Variants in SULF1 observed in about 807,000 individuals in gnomAD.
The protein encoded by SULF1 is extracellular sulfatase Sulf-1.
SULF1 carries 46 observed loss-of-function variants against 110.5 expected under a neutral mutation model. That is an observed-to-expected ratio of 0.42 (90% confidence interval 0.33 to 0.53). SULF1 has a LOEUF of 0.53. Among genes scored for constraint, SULF1 ranks in the 20% least tolerant of loss-of-function variants. The pLI, the probability that SULF1 is intolerant of heterozygous loss-of-function variation, is 0.12. For missense variants in SULF1, 941 were observed against 1,094.2 expected (o/e 0.86, Z 1.98); for synonymous variants, 371 against 387.1 (o/e 0.96, Z 0.49).
intron 5 of SULF1, among the ~76,000 whole-genome samples, chr8:69,567,906 C>T (rs190957148): frequency 6.6e-6 from 1 of 152,262 alleles, no homozygotes; most frequent in Admixed American, 6.5e-5. Context: ...TTTTGAGGAA[C>T]CACCTTACTG....
At chr8:69,600,825 C>A (rs560916231) in intron 9 of SULF1, 72 bp downstream of exon 9, 2 of 1,502,432 alleles carry the variant, frequency 1.3e-6, no homozygotes, top group Non-Finnish European at 1.8e-6. Context: ...TCTTGCCAAT[C>A]CTGTTTGGTT....
chr8:69,643,058 A>T (rs925532124), intron 22 of SULF1, among the ~76,000 whole-genome samples: 8 of 152,216 alleles, frequency 5.3e-5, no homozygotes, highest in African/African-American at 1.9e-4. Context: ...ATACTGTGTA[A>T]CTTGAAATAA....
At chr8:69,540,649 G>A (rs1434146907) in intron 3 of SULF1, among the ~76,000 whole-genome samples, 1 of 152,170 alleles carries the variant, frequency 6.6e-6, no homozygotes, top group East Asian at 1.9e-4. Flanking sequence ...TCTTGCCCGG[G>A]TTTCTGTAAC....
upstream of SULF1, among the ~76,000 whole-genome samples, chr8:69,491,026 A>G (rs976422317): frequency 8.5e-5 from 13 of 152,154 alleles, no homozygotes; most frequent in African/African-American, 3.1e-4. Context: ...TAAAACCTGA[A>G]TTGGTTTTAA....
At chr8:69,524,656 T>G (rs1234209861) in intron 3 of SULF1, among the ~76,000 whole-genome samples, 4 of 152,198 alleles carry the variant, frequency 2.6e-5, no homozygotes, top group Non-Finnish European at 5.9e-5. Flanking sequence ...ACATTTGCAT[T>G]GAATATCCTA....
intron 2 of SULF1, among the ~76,000 whole-genome samples, chr8:69,498,315 A>G (rs2028442): frequency 0.58 from 88,335 of 152,030 alleles, 26,087 homozygotes; most frequent in East Asian, 0.81. Context: ...CTGACAATTT[A>G]TTATTGCTTG....
At chr8:69,642,162 TC>T in intron 22 of SULF1, 1 of 837,388 alleles carries the variant, frequency 1.2e-6, no homozygotes. Flanking sequence ...ATTAATATCT[TC>T]TTTATCTATA....
At chr8:69,582,608 A>G (rs1806152742) in intron 6 of SULF1, among the ~76,000 whole-genome samples, 1 of 151,960 alleles carries the variant, frequency 6.6e-6, no homozygotes, top group Non-Finnish European at 1.5e-5. Flanking sequence ...TACCCTAGCA[A>G]GTAGCAGAGC....
intron 3 of SULF1, among the ~76,000 whole-genome samples, chr8:69,529,050 T>C (rs1461557715): frequency 1.3e-5 from 2 of 152,158 alleles, no homozygotes; most frequent in East Asian, 3.9e-4. Context: ...ACAAAGTTAT[T>C]TAAACCTCAA....
intron 3 of SULF1, among the ~76,000 whole-genome samples, chr8:69,512,122 A>T (rs1811606819): frequency 1.3e-5 from 2 of 152,190 alleles, no homozygotes; most frequent in African/African-American, 4.8e-5. Context: ...TTATATTTAA[A>T]ATTCAAAATT....
chr8:69,517,457 G>C (rs944166201), intron 3 of SULF1, among the ~76,000 whole-genome samples: 1 of 152,126 alleles, frequency 6.6e-6, no homozygotes, highest in Non-Finnish European at 1.5e-5. Context: ...ACATATTCCT[G>C]CTTGAAATTC....
intron 5 of SULF1, among the ~76,000 whole-genome samples, chr8:69,574,714 G>A (rs1259834775): frequency 1.3e-5 from 2 of 152,194 alleles, no homozygotes; most frequent in African/African-American, 4.8e-5. Flanking sequence ...AGGCACTCAA[G>A]ACATGTTATT....
intron 3 of SULF1, among the ~76,000 whole-genome samples, chr8:69,544,036 A>G (rs1814053671): frequency 6.6e-6 from 1 of 152,206 alleles, no homozygotes; most frequent in South Asian, 2.1e-4. Context: ...TATTCATTTC[A>G]TGGTAGTTAT....
intron 1 of SULF1, among the ~76,000 whole-genome samples, chr8:69,470,684 T>C (rs959439124): frequency 1.3e-5 from 2 of 152,176 alleles, no homozygotes; most frequent in Non-Finnish European, 2.9e-5. Context: ...CTTCCTAAAA[T>C]GTCAGTTTCA....
intron 7 of SULF1, 104 bp from the exon 8 acceptor site, chr8:69,588,868 C>A: frequency 8.6e-7 from 1 of 1,164,796 alleles, no homozygotes; most frequent in Non-Finnish European, 1.2e-6. Context: ...GTAGACCTTG[C>A]CACTTCGTGC....
intron 13 of SULF1, among the ~76,000 whole-genome samples, chr8:69,620,504 C>A (rs555767495): frequency 6.6e-6 from 1 of 152,312 alleles, no homozygotes; most frequent in East Asian, 1.9e-4. Flanking sequence ...GAAAGCCTGA[C>A]AAGTTTGCTA....
At chr8:69,625,129 C>G (rs1809902266) in intron 15 of SULF1, among the ~76,000 whole-genome samples, 1 of 152,248 alleles carries the variant, frequency 6.6e-6, no homozygotes, top group Non-Finnish European at 1.5e-5. Context: ...ACTTAAGGCA[C>G]TCTCTTTTTA....
chr8:69,505,221 T>G (rs1034468574), intron 3 of SULF1, among the ~76,000 whole-genome samples: 4 of 152,144 alleles, frequency 2.6e-5, no homozygotes, highest in Non-Finnish European at 2.9e-5. Flanking sequence ...TTTCACAGCT[T>G]GGGGGAGATT....
chr8:69,513,649 G>A (rs538621670), intron 3 of SULF1, among the ~76,000 whole-genome samples: 61 of 152,314 alleles, frequency 4.0e-4, no homozygotes, highest in African/African-American at 1.3e-3. Flanking sequence ...CTGAAATGAG[G>A]TAATTTAATT....
Sources: allele counts gnomAD v4.1 joint callset (sites outside exome capture counted in the v4.1 genomes callset), GRCh38; gene constraint gnomAD v4.1.1; transcripts MANE v1.5; gene names NCBI Gene and HGNC (gene_info 2026-07-23, HGNC 2026-07-21).